The following CSMD2 variants were observed in gnomAD, a reference collection of about 807,000 sequenced individuals.
The protein encoded by CSMD2 is CUB and sushi domain-containing protein 2.
A neutral mutation model predicts 398.5 loss-of-function variants in CSMD2; 130 were observed. That is an observed-to-expected ratio of 0.33 (90% CI 0.28 to 0.38). CSMD2 has a LOEUF of 0.38. CSMD2 is among the 10% of genes least tolerant of loss of function. CSMD2 has a pLI of 1.00. For synonymous variants in CSMD2, 1,828 were observed against 1,908.5 expected (o/e 0.96, Z 1.10); for missense variants, 3,829 against 4,764.9 (o/e 0.80, Z 5.78).
intron 3 of CSMD2, 77 bp from the exon 4 acceptor site, chr1:33,936,031 A>G (rs560434792): frequency 7.6e-7 from 1 of 1,314,522 alleles, no homozygotes; most frequent in Non-Finnish European, 1.1e-6. Context: ...TCCTAGTAGC[A>G]ACTCCCTAGG....
chr1:33,678,549 C>A (rs1339770194), intron 25 of CSMD2, among the ~76,000 whole-genome samples: 3 of 152,048 alleles, frequency 2.0e-5, no homozygotes, highest in Non-Finnish European at 4.4e-5. Flanking sequence ...ACAGCTGCTG[C>A]AGGGGGAAGG....
chr1:33,630,343 T>G (rs1240339017), intron 32 of CSMD2, among the ~76,000 whole-genome samples: 1 of 152,176 alleles, frequency 6.6e-6, no homozygotes, highest in African/African-American at 2.4e-5. Flanking sequence ...AAAAATTCAT[T>G]TGGTTGAGAA....
chr1:33,533,273 G>C lies in CSMD2; in HGVS notation c.9992-44C>G. The C allele has an allele frequency of 6.4e-7, 1 of 1,565,074 alleles. No homozygotes were observed. The highest frequency in any genetic ancestry group is 8.8e-7 in the Non-Finnish European group (1 of 1,142,438). On this transcript the variant is annotated intron_variant, in intron 63 of 70. Transcript: ENST00000373381. The surrounding 1 kb of genome is among the most constrained non-coding windows in gnomAD (Gnocchi z 4.2). Reference sequence around the variant, plus strand: ...CCTGTTGGACTGGAGGAGATTAGGGGCTTCAGGGGCCCTTTCGACCATTCC... The same window carrying C: ...CCTGTTGGACTGGAGGAGATTAGGGCCTTCAGGGGCCCTTTCGACCATTCC...
At chr1:34,019,039 G>T (rs930831319) in intron 3 of CSMD2, among the ~76,000 whole-genome samples, 1 of 152,302 alleles carries the variant, frequency 6.6e-6, no homozygotes, top group East Asian at 1.9e-4. Context: ...CTTACTAGCT[G>T]TGTGACCTCA....
intron 55 of CSMD2, among the ~76,000 whole-genome samples, chr1:33,556,078 T>A (rs1326820681): frequency 6.6e-6 from 1 of 152,104 alleles, no homozygotes; most frequent in African/African-American, 2.4e-5. Flanking sequence ...GAACCAGAAT[T>A]AGAAGAGGAG....
chr1:34,128,114 C>T (rs888845198), intron 1 of CSMD2, among the ~76,000 whole-genome samples: 4 of 142,276 alleles, frequency 2.8e-5, no homozygotes, highest in African/African-American at 7.6e-5. Flanking sequence ...CTGCTCCACA[C>T]CCAAGACCAG....
chr1:33,732,380 G>A (rs981376624), intron 15 of CSMD2, among the ~76,000 whole-genome samples: 2 of 152,236 alleles, frequency 1.3e-5, no homozygotes, highest in African/African-American at 4.8e-5. Flanking sequence ...TGCATTTGGA[G>A]AGAGAGCCTT....
rs768991493 is a variant in CSMD2, at chr1:33,571,606, T to G, written c.7883A>C (p.Tyr2628Ser). The G allele has an allele frequency of 6.3e-7, 1 of 1,590,540 alleles. No homozygotes were observed. The highest frequency in any genetic ancestry group is 1.2e-5 in the South Asian group (1 of 86,508). Residue 2628 changes from tyrosine to serine, a missense_variant, in exon 51 of 71, where the codon TAT (tyrosine) becomes TCT (serine). This residue lies in a region of CSMD2 where 723 missense variants were observed against 758.6 expected (regional missense o/e 0.95). Transcript: ENST00000373381. ...LMLICDPGYY[Y>S]TGQRVIRCQA... ...ACAGCGGATGACCCTTTGGCCAGTA[T>G]AGTAGTAGCCAGGGTCACAGATGAG...
At chr1:33,628,880 G>A (rs1039497905) in intron 32 of CSMD2, among the ~76,000 whole-genome samples, 8 of 152,098 alleles carry the variant, frequency 5.3e-5, no homozygotes, top group East Asian at 1.9e-4. Flanking sequence ...AAAGAATCAC[G>A]TTGGACCCCA....
intron 2 of CSMD2, among the ~76,000 whole-genome samples, chr1:34,052,168 T>TACACAC (rs35006153): frequency 0.017 from 2,451 of 147,004 alleles, 51 homozygotes; most frequent in African/African-American, 0.051. Context: ...AGCATATGTA[T>TACACAC]ACACACACAC....
chr1:33,884,237 C>A (rs915033376), intron 5 of CSMD2, among the ~76,000 whole-genome samples: 1 of 152,014 alleles, frequency 6.6e-6, no homozygotes, highest in Non-Finnish European at 1.5e-5. Flanking sequence ...CTCCTCACAC[C>A]TAAGCTGATG....
At position 34,106,864 on chromosome 1, in the gene CSMD2, T is replaced by C. The variant is rs1182952955; in HGVS notation, c.188-17671A>G. 2.0e-5 allele frequency among the ~76,000 whole-genome samples: 3 copies of C among 152,328 alleles called. No homozygotes were observed. In the East Asian group the frequency reaches 5.8e-4, roughly 29 times the overall value. On this transcript the variant is annotated intron_variant, in intron 1 of 70. Coordinates refer to ENST00000373381, the MANE Select transcript of CSMD2 (RefSeq NM_001281956.2). ...CTAATTCTAACTCCAGGCTTTCTGA[T>C]TCTCCTGGACATGTTTAACACAGAA...
rs1313453302 is a variant in CSMD2 at position 33,572,680 on chromosome 1, C to T, written c.7588G>A (p.Gly2530Arg). The T allele has an allele frequency of 1.9e-6, 3 of 1,609,864 alleles. No individual in the cohort carries two copies. In the Admixed American group the frequency reaches 5.0e-5, roughly 27 times the overall value. The change falls in exon 50 of 71, where the codon GGG (glycine) becomes AGG (arginine). Residue 2530 changes from glycine (G) to arginine (R), a missense_variant. Gly to Arg is a moderately radical substitution (Grantham distance 125, BLOSUM62 -2). Transcript: ENST00000373381. ...AIPLCQALSCGLPEAPKNGMV... is the reference protein window; with the variant it reads ...AIPLCQALSCRLPEAPKNGMV... ...CCATTCTTGGGGGCCTCAGGAAGCC[C>T]ACAGGAAAGAGCTAGCAAAAGGAAA...
At chr1:34,092,778 T>C (rs1334057898) in intron 1 of CSMD2, among the ~76,000 whole-genome samples, 1 of 152,264 alleles carries the variant, frequency 6.6e-6, no homozygotes, top group African/African-American at 2.4e-5. Flanking sequence ...GTCTCGCTGA[T>C]TGCTAGCACA....
intron 4 of CSMD2, among the ~76,000 whole-genome samples, chr1:33,930,462 G>T (rs1644276241): frequency 6.6e-6 from 1 of 152,228 alleles, no homozygotes; most frequent in Admixed American, 6.5e-5. Flanking sequence ...TGCAGTCCAA[G>T]CTTCTGCAGA....
At chr1:33,916,759 C>A (rs148604708) in intron 5 of CSMD2, among the ~76,000 whole-genome samples, 56 of 152,286 alleles carry the variant, frequency 3.7e-4, no homozygotes, top group Non-Finnish European at 6.2e-4. Flanking sequence ...CCCTTTATCC[C>A]TCTTAAATAT....
chr1:34,096,930 C>A (rs1334786044), intron 1 of CSMD2, among the ~76,000 whole-genome samples: 2 of 149,886 alleles, frequency 1.3e-5, no homozygotes, highest in Non-Finnish European at 3.0e-5. Context: ...TCATATGAAA[C>A]CAAAAAAGAG....
Position 33,625,192 on chromosome 1 carries a change from G to A in CSMD2, c.5359C>T (p.Leu1787=). The change falls in exon 34 of 71, where the codon CTG becomes TTG. Residue 1787 remains leucine (L), a synonymous_variant. Coordinates refer to ENST00000373381, the MANE Select transcript of CSMD2 (RefSeq NM_001281956.2). ...GCCCCCACCGAGAAGTCACTGCCCA[G>A]CCTCTTGCCATAGCGGGGTTCCGGC... ...SVPEPRYGKR[L]GSDFSVGAIV... 1 of 1,613,948 alleles carries A rather than the reference G, an allele frequency of 6.2e-7. No individual in the cohort carries two copies. Among genetic ancestry groups the A allele is most frequent in the African/African-American group, 1.3e-5 (1 of 74,998 alleles).
intron 57 of CSMD2, among the ~76,000 whole-genome samples, chr1:33,543,814 A>AT (rs1428726100): frequency 2.6e-5 from 4 of 152,170 alleles, no homozygotes; most frequent in Non-Finnish European, 5.9e-5. Context: ...ATAATGCTTG[A>AT]TTTTTTGTGT....
Sources: allele counts gnomAD v4.1 joint callset (sites outside exome capture counted in the v4.1 genomes callset), GRCh38; gene constraint gnomAD v4.1.1; regional missense constraint gnomAD v4.1.1; non-coding constraint Gnocchi (gnomAD v3.1); transcripts MANE v1.5; gene names NCBI Gene and HGNC (gene_info 2026-07-23, HGNC 2026-07-21).